The following CACNA1C variants were observed in gnomAD, a reference collection of about 807,000 sequenced individuals.
The protein encoded by CACNA1C is calcium voltage-gated channel subunit alpha1 C.
CACNA1C carries 30 observed loss-of-function variants against 229.0 expected under a neutral mutation model. The observed-to-expected ratio is 0.13, with a 90% CI of 0.10 to 0.18. The LOEUF (loss-of-function observed/expected upper bound fraction) is 0.18, where lower values mean the gene tolerates loss of function less well. Among genes scored for constraint, CACNA1C ranks in the 10% least tolerant of loss-of-function variants. The pLI is 1.00. For missense variants in CACNA1C, 1,658 were observed against 2,845.0 expected, an observed-to-expected ratio of 0.58 and a Z score of 9.49; for synonymous variants, 1,114 against 1,132.5, an observed-to-expected ratio of 0.98 and a Z score of 0.33.
rs916419471 is a variant in CACNA1C at position 2,601,188 on chromosome 12, C to T, written c.2854-666C>T. On this transcript the variant is annotated intron_variant, in intron 21 of 46. Coordinates refer to ENST00000399655, the MANE Select transcript of CACNA1C (RefSeq NM_000719.7). The surrounding 1 kb of genome is among the most constrained non-coding windows in gnomAD (Gnocchi z 5.9). The stretch of plus-strand genomic sequence containing the variant: ...GAATTGAGTTTAGAATATTTGGCAT[C>T]AATAATAAGCACCCTTTGAGGCCAG... Among the ~76,000 whole-genome samples, 25 of 152,178 alleles carry T rather than the reference C, an allele frequency of 1.6e-4. No individual in the cohort carries two copies. The highest frequency in any genetic ancestry group is 1.6e-3 in the Admixed American group (25 of 15,278).
chr12:2,616,597 C>T (rs1211908836), intron 29 of CACNA1C, among the ~76,000 whole-genome samples: 2 of 152,234 alleles, frequency 1.3e-5, no homozygotes, highest in Admixed American at 1.3e-4. Flanking sequence ...GTCGCTGCTG[C>T]GAGCCCCCAT....
intron 3 of CACNA1C, among the ~76,000 whole-genome samples, chr12:2,195,851 A>AC (rs2097384503): frequency 6.6e-6 from 1 of 152,182 alleles, no homozygotes; most frequent in Non-Finnish European, 1.5e-5. Context: ...GACCACAGTG[A>AC]CCACTTAGTC....
intron 3 of CACNA1C, chr12:2,221,567 T>G (rs939240305): frequency 6.6e-6 from 1 of 152,140 alleles, no homozygotes; most frequent in Non-Finnish European, 1.5e-5. Context: ...TGTTGGGAAG[T>G]TGGACATTTT....
At chr12:2,143,012 G>T (rs1416080972) in intron 3 of CACNA1C, among the ~76,000 whole-genome samples, 1 of 150,202 alleles carries the variant, frequency 6.7e-6, no homozygotes, top group Non-Finnish European at 1.5e-5. Context: ...GTCTCTCTCT[G>T]TTGCCCAGGC....
intron 5 of CACNA1C, among the ~76,000 whole-genome samples, chr12:2,474,509 C>A (rs565388469): frequency 2.0e-4 from 31 of 152,306 alleles, no homozygotes; most frequent in African/African-American, 7.2e-4. Context: ...AATCCCAGCA[C>A]TTTGGGAGGC....
intron 1 of CACNA1C, among the ~76,000 whole-genome samples, chr12:1,976,083 CCTTT>C (rs1237332348): frequency 6.6e-6 from 1 of 151,868 alleles, no homozygotes; most frequent in Admixed American, 6.6e-5. Context: ...TTTTTCAGAG[CCTTT>C]CTTTAGATGG....
At chr12:2,642,518 G>A (rs1318449641) in intron 30 of CACNA1C, among the ~76,000 whole-genome samples, 1 of 152,152 alleles carries the variant, frequency 6.6e-6, no homozygotes. Flanking sequence ...GGAGACACAG[G>A]AAGGCTCAAA....
At chr12:2,448,037 TG>T (rs1037968271) in intron 3 of CACNA1C, among the ~76,000 whole-genome samples, 2 of 152,130 alleles carry the variant, frequency 1.3e-5, no homozygotes, top group Non-Finnish European at 2.9e-5. Context: ...CTTTGCCTGG[TG>T]GGGGCCATTA....
chr12:2,508,615 T>C (rs915199530), intron 8 of CACNA1C, among the ~76,000 whole-genome samples: 2 of 152,164 alleles, frequency 1.3e-5, no homozygotes, highest in African/African-American at 4.8e-5. Flanking sequence ...GTCATGCCAC[T>C]GCACTCCAGC....
rs542669859 is a variant in CACNA1C at position 2,316,819 on chromosome 12, A to G, written c.478-132157A>G. Among the ~76,000 whole-genome samples, 6 of 152,320 alleles carry G rather than the reference A, an allele frequency of 3.9e-5. No individual in the cohort carries two copies. The South Asian group carries it at 1.2e-3, about 32-fold the overall frequency. ...AAGAGCTGATTTGCAGTGGAGACCC[A>G]TGTGCACAGGCACAAAAAGATGGCC... On this transcript the variant is annotated intron_variant, in intron 3 of 46. Coordinates refer to ENST00000399655, the MANE Select transcript of CACNA1C (RefSeq NM_000719.7).
At chr12:2,430,211 C>A (rs948034188) in intron 3 of CACNA1C, among the ~76,000 whole-genome samples, 1 of 152,170 alleles carries the variant, frequency 6.6e-6, no homozygotes, top group Non-Finnish European at 1.5e-5. Flanking sequence ...AAAGGCCCCA[C>A]CTCCTAATAC....
At chr12:2,245,705 C>G (rs1007386413) in intron 3 of CACNA1C, among the ~76,000 whole-genome samples, 1 of 152,168 alleles carries the variant, frequency 6.6e-6, no homozygotes, top group African/African-American at 2.4e-5. Context: ...ACAGCAAAAT[C>G]TGGCCTTTCC....
At chr12:2,381,640 C>T (rs1403526905) in intron 3 of CACNA1C, among the ~76,000 whole-genome samples, 1 of 152,144 alleles carries the variant, frequency 6.6e-6, no homozygotes, top group African/African-American at 2.4e-5. Context: ...TGGGGCTAAC[C>T]CTGAAGACCA....
At chr12:2,020,474 G>C (rs957020405) in intron 1 of CACNA1C, 2 of 152,138 alleles carry the variant, frequency 1.3e-5, no homozygotes, top group African/African-American at 2.4e-5. Context: ...CTGAAGTAAG[G>C]CTGCATGCAT....
At chr12:2,509,889 T>G (rs1004207106) in intron 8 of CACNA1C, among the ~76,000 whole-genome samples, 1 of 152,056 alleles carries the variant, frequency 6.6e-6, no homozygotes, top group Non-Finnish European at 1.5e-5. Flanking sequence ...GTGCCACGAG[T>G]ATTGATTCTG....
At chr12:2,376,102 T>A (rs2154543455) in intron 3 of CACNA1C, among the ~76,000 whole-genome samples, 2 of 152,306 alleles carry the variant, frequency 1.3e-5, no homozygotes, top group South Asian at 4.1e-4. Flanking sequence ...TTGAGTGAAA[T>A]GACATGGTTG....
rs374147415 is a variant in CACNA1C at position 2,467,744 on chromosome 12, G to C, written c.757+10038G>C. Among the ~76,000 whole-genome samples the C allele has an allele frequency of 6.6e-6, 1 of 152,174 alleles. No individual in the cohort carries two copies. Among genetic ancestry groups the C allele is most frequent in the Non-Finnish European group, 1.5e-5 (1 of 68,030 alleles). ...GTCTCCTGATCTCCCAGTGTGGACG[G>C]TCTTTCCCCTTGACTGCTGCATCCC... On this transcript the variant is annotated intron_variant, in intron 5 of 46. Transcript: ENST00000399655. This position sits in a 1 kb window ranked among gnomAD's most constrained non-coding sequence, Gnocchi z 4.6.
At chr12:2,311,971 G>A (rs1188772010) in intron 3 of CACNA1C, among the ~76,000 whole-genome samples, 1 of 152,142 alleles carries the variant, frequency 6.6e-6, no homozygotes, top group Non-Finnish European at 1.5e-5. Flanking sequence ...AGACTATAAA[G>A]GCTCTTTGGG....
chr12:2,342,815 G>A (rs1402801044), intron 3 of CACNA1C, among the ~76,000 whole-genome samples: 5 of 152,114 alleles, frequency 3.3e-5, no homozygotes, highest in African/African-American at 9.7e-5. Context: ...TTGTCTTTGT[G>A]AGCCCTTGTG....
Sources: gnomAD v4.1 joint callset for allele counts (sites outside exome capture counted in the v4.1 genomes callset) on GRCh38, gnomAD v4.1.1 for gene constraint, Gnocchi (gnomAD v3.1) non-coding constraint, MANE v1.5 for transcripts, NCBI Gene and HGNC (gene_info 2026-07-23, HGNC 2026-07-21) for gene names.